Variants in TRPM4 observed in about 807,000 individuals in gnomAD.
The protein encoded by TRPM4 is transient receptor potential cation channel subfamily M member 4, also known as calcium-activated non-selective cation channel 1.
In TRPM4, 124 loss-of-function variants were observed where a neutral mutation model predicts 135.6. The observed-to-expected ratio is 0.91, with a 90% CI of 0.79 to 1.06. The LOEUF (loss-of-function observed/expected upper bound fraction) is 1.06. TRPM4 is among the 50% of genes least tolerant of loss of function. The pLI, the probability that TRPM4 is intolerant of heterozygous loss-of-function variation, is 0.00. For synonymous variants in TRPM4, 745 were observed against 705.6 expected, an observed-to-expected ratio of 1.06 and a Z score of -0.88; for missense variants, 1,658 against 1,671.4, an observed-to-expected ratio of 0.99 and a Z score of 0.14.
At position 49,210,932 on chromosome 19, in the gene TRPM4, G is replaced by C; in HGVS notation, c.3462-83G>C. 1 of 1,589,902 alleles carries C rather than the reference G, an allele frequency of 6.3e-7. No homozygotes were observed. The highest frequency in any genetic ancestry group is 8.6e-7 in the Non-Finnish European group (1 of 1,168,484). ...GGCAGGGTCCTGGGAGGGAGGGAGA[G>C]AGGGAGGAGGCCCGGGAAGCAGGCA... On this transcript the variant is annotated intron_variant, in intron 22 of 24. Coordinates refer to ENST00000252826, the MANE Select transcript of TRPM4 (RefSeq NM_017636.4). This position sits in a 1 kb window ranked among gnomAD's most constrained non-coding sequence, Gnocchi z 4.1.
intron 17 of TRPM4, 111 bp downstream of exon 17, chr19:49,196,985 C>A: frequency 1.8e-6 from 2 of 1,082,388 alleles, no homozygotes; most frequent in Non-Finnish European, 2.6e-6. Context: ...CAGGTCAAGC[C>A]AACCCTGCTG....
intron 12 of TRPM4, among the ~76,000 whole-genome samples, chr19:49,187,387 C>T (rs570689362): frequency 4.4e-4 from 67 of 152,068 alleles, no homozygotes; most frequent in Non-Finnish European, 9.0e-4. Context: ...CTCAGTCATC[C>T]AGGCTGGAGT....
Position 49,210,541 on chromosome 19 carries a change from C to A in TRPM4, c.3328+136C>A. On this transcript the variant is annotated intron_variant, in intron 21 of 24. Transcript: ENST00000252826. This position sits in a 1 kb window ranked among gnomAD's most constrained non-coding sequence, Gnocchi z 4.1. The stretch of plus-strand genomic sequence containing the variant: ...GGGGCGGGGTTTAAGCAACAAGGGG[C>A]GGAGCTTAAGCACTGAGGGGCAGTG... The A allele has an allele frequency of 1.4e-6, 2 of 1,411,218 alleles. No individual in the cohort carries two copies. The highest frequency in any genetic ancestry group is 4.7e-5 in the East Asian group (2 of 42,826). 87.4% of individuals were successfully genotyped at this position (1,411,218 alleles called of 1,614,324 possible).
chr19:49,184,416 C>T (rs1232831221), intron 12 of TRPM4, among the ~76,000 whole-genome samples: 2 of 137,818 alleles, frequency 1.5e-5, no homozygotes, highest in African/African-American at 2.7e-5. Context: ...TTTTTAGCTT[C>T]AGAGTTTCTA....
chr19:49,158,535 T>C (rs1291987355), intron 2 of TRPM4: 1 of 490,690 alleles, frequency 2.0e-6, no homozygotes, highest in Non-Finnish European at 3.6e-6. Context: ...TGCTTCTGTC[T>C]CTTCGTGTCA....
intron 12 of TRPM4, among the ~76,000 whole-genome samples, chr19:49,183,488 C>T (rs1968079340): frequency 6.6e-6 from 1 of 152,078 alleles, no homozygotes; most frequent in Non-Finnish European, 1.5e-5. Context: ...CCTCAGTCTC[C>T]CGGGTTCAAG....
intron 16 of TRPM4, among the ~76,000 whole-genome samples, chr19:49,194,663 C>T (rs1398300607): frequency 8.9e-6 from 1 of 112,734 alleles, no homozygotes; most frequent in East Asian, 2.3e-4. Context: ...CTCTCTCTGT[C>T]CCTCCCTCCC....
intron 6 of TRPM4, among the ~76,000 whole-genome samples, chr19:49,169,561 G>A (rs1222512258): frequency 1.3e-5 from 2 of 151,162 alleles, no homozygotes; most frequent in African/African-American, 4.9e-5. Flanking sequence ...GATTACAGGT[G>A]TGAGCCACCG....
At chr19:49,175,134 A>G (rs570266027) in intron 9 of TRPM4, among the ~76,000 whole-genome samples, 26 of 137,426 alleles carry the variant, frequency 1.9e-4, no homozygotes, top group Admixed American at 8.0e-4. Flanking sequence ...GGAGTGCAAT[A>G]GTGCCATCTC....
rs546253298 is a variant in TRPM4, at chr19:49,207,606, T to C, written c.3132-2603T>C. 2.8e-5 allele frequency among the ~76,000 whole-genome samples: 4 copies of C among 142,922 alleles called. No individual in the cohort carries two copies. The South Asian group carries it at 8.9e-4, about 32-fold the overall frequency. The allele number at this position is 142,922 out of a possible 152,430, so 93.8% of individuals were successfully genotyped here. ...AGCCATGATTTCACCACCATCATGA[T>C]TGTGCCACCAACAGAGTGAAACCTT... On this transcript the variant is annotated intron_variant, in intron 20 of 24. Coordinates refer to ENST00000252826, the MANE Select transcript of TRPM4 (RefSeq NM_017636.4).
At chr19:49,175,882 C>T (rs1208099810) in intron 9 of TRPM4, among the ~76,000 whole-genome samples, 1 of 149,716 alleles carries the variant, frequency 6.7e-6, no homozygotes, top group Non-Finnish European at 1.5e-5. Flanking sequence ...CCGCCTCGGC[C>T]TCCCAAAGTG....
intron 9 of TRPM4, among the ~76,000 whole-genome samples, chr19:49,175,578 A>G (rs1224912387): frequency 6.6e-6 from 1 of 152,086 alleles, no homozygotes; most frequent in Admixed American, 6.6e-5. Flanking sequence ...CAATATATAC[A>G]GCATTCTACC....
chr19:49,166,499 C>T (rs1600402291), intron 3 of TRPM4, among the ~76,000 whole-genome samples: 1 of 56,382 alleles, frequency 1.8e-5, no homozygotes, highest in Non-Finnish European at 3.8e-5. Flanking sequence ...TCTCTGTCCC[C>T]CTCTCTCTCT....
intron 12 of TRPM4, 40 bp downstream of exon 12, chr19:49,183,252 G>A: frequency 1.2e-6 from 2 of 1,613,178 alleles, no homozygotes; most frequent in Non-Finnish European, 1.7e-6. Flanking sequence ...CTGTCCTTTA[G>A]GCCACTGGAT....
Position 49,171,965 on chromosome 19 carries a change from G to A in TRPM4, c.1051-44G>A. On this transcript the variant is annotated intron_variant, in intron 8 of 24. Transcript: ENST00000252826. This position sits in a 1 kb window ranked among gnomAD's most constrained non-coding sequence, Gnocchi z 4.7. ...CTTTGGACAGGGCCCAACAGGAGTT[G>A]GGGATGGAGGCGGGCTAGGGATGCA... 5 of 1,539,746 alleles carry A rather than the reference G, an allele frequency of 3.2e-6. No individual in the cohort carries two copies. Among genetic ancestry groups the A allele is most frequent in the Non-Finnish European group, 4.5e-6 (5 of 1,112,548 alleles).
rs771314267 is a variant in TRPM4, at chr19:49,188,656, TC to T, written c.1761del (p.Ser588GlnfsTer11). On this transcript the variant is annotated frameshift_variant, in exon 13 of 25. Transcript: ENST00000252826. LOFTEE classifies it high-confidence loss of function. ...YFWEMGSNAV[S>X]SALGACLLLR... ...GTCTCTCCAGGGTTCCAATGCAGTT[TC>T]CTCAGCTCTTGGGGCCTGTTTGCTG... is the stretch of plus-strand genomic sequence containing the variant. The T allele has an allele frequency of 6.2e-7, 1 of 1,614,174 alleles. No individual in the cohort carries two copies. Among genetic ancestry groups the T allele is most frequent in the Non-Finnish European group, 8.5e-7 (1 of 1,180,034 alleles).
At chr19:49,186,610 A>G (rs34271662) in intron 12 of TRPM4, among the ~76,000 whole-genome samples, 51,102 of 151,932 alleles carry the variant, frequency 0.34, 8,832 homozygotes, top group African/African-American at 0.41. Context: ...AGTGGCTCAC[A>G]CCTGTAATCC....
Position 49,183,182 on chromosome 19 carries a change from G to A in TRPM4, c.1713G>A (p.Arg571=), listed in dbSNP as rs1406428723. 1 of 1,614,038 alleles carries A rather than the reference G, an allele frequency of 6.2e-7. No individual in the cohort carries two copies. The highest frequency in any genetic ancestry group is 1.3e-5 in the African/African-American group (1 of 74,942). The change falls in exon 12 of 25, where the codon AGG becomes AGA. Residue 571 remains arginine (R), a synonymous_variant. Coordinates refer to ENST00000252826, the MANE Select transcript of TRPM4 (RefSeq NM_017636.4). Reference sequence around the variant, plus strand: ...TTCTTTGGGCACTGTTGCTGAACAGGGCACAGATGGCCATGTACTTCTGGG... The same window carrying A: ...TTCTTTGGGCACTGTTGCTGAACAGAGCACAGATGGCCATGTACTTCTGGG... The part of the protein sequence containing the change: ...DLLLWALLLN[R]AQMAMYFWEM...
chr19:49,200,546 TG>T (rs1968882028), intron 18 of TRPM4, 64 bp from the exon 19 acceptor site: 2 of 1,598,824 alleles, frequency 1.3e-6, no homozygotes, highest in Non-Finnish European at 1.7e-6. Context: ...GGCGTGTTTT[TG>T]GGATATAGGG....
Sources: allele counts gnomAD v4.1 joint callset (sites outside exome capture counted in the v4.1 genomes callset), GRCh38; gene constraint gnomAD v4.1.1; non-coding constraint Gnocchi (gnomAD v3.1); transcripts MANE v1.5; gene names NCBI Gene and HGNC (gene_info 2026-07-23, HGNC 2026-07-21).